NR3C2: variants seen among roughly 807,000 people sequenced by gnomAD.
NR3C2 encodes the protein mineralocorticoid receptor.
Under a neutral mutation model 86.4 loss-of-function variants are expected in NR3C2, and 15 were observed. The observed-to-expected ratio is 0.17, with a 90% CI of 0.12 to 0.27. The LOEUF (loss-of-function observed/expected upper bound fraction) is 0.27, where lower values mean the gene tolerates loss of function less well. NR3C2 is among the 10% of genes least tolerant of loss of function. NR3C2 has a pLI of 1.00. For missense variants in NR3C2, 960 were observed against 1,195.6 expected, an observed-to-expected ratio of 0.80 and a Z score of 2.91; for synonymous variants, 458 against 450.5, an observed-to-expected ratio of 1.02 and a Z score of -0.21.
intron 2 of NR3C2, among the ~76,000 whole-genome samples, chr4:148,357,057 A>T (rs368600466): frequency 6.6e-6 from 1 of 152,156 alleles, no homozygotes; most frequent in African/African-American, 2.4e-5. Context: ...TAGGTTGAAC[A>T]TTCTGAATCA....
intron 2 of NR3C2, among the ~76,000 whole-genome samples, chr4:148,321,380 G>T (rs1192678237): frequency 6.6e-6 from 1 of 151,594 alleles, no homozygotes; most frequent in Admixed American, 6.6e-5. Flanking sequence ...GAGTTCTGTA[G>T]ATGTCTATTA....
intron 8 of NR3C2, among the ~76,000 whole-genome samples, chr4:148,092,680 C>A (rs1279947299): frequency 1.3e-5 from 2 of 152,340 alleles, no homozygotes; most frequent in East Asian, 3.9e-4. Flanking sequence ...AAACTCAATA[C>A]ATGAAGCTAA....
chr4:148,413,931 C>G (rs1748858318), intron 2 of NR3C2, among the ~76,000 whole-genome samples: 1 of 152,130 alleles, frequency 6.6e-6, no homozygotes. Context: ...TTCTTCATTA[C>G]ACAGAAATTC....
At position 148,407,377 on chromosome 4, in the gene NR3C2, G is replaced by A. The variant is rs1579261712; in HGVS notation, c.1757+27727C>T. Among the ~76,000 whole-genome samples, 6 of 152,286 alleles carry A rather than the reference G, an allele frequency of 3.9e-5. No individual in the cohort carries two copies. In the South Asian group the frequency reaches 1.2e-3, roughly 32 times the overall value. On this transcript the variant is annotated intron_variant, in intron 2 of 8. Transcript: ENST00000358102. ...TTAAAATCAGAGTCAATGGCCGTAAGTGGTTTATAAGATTGTAAAAATGTA... is the reference window on the plus strand; with the variant it reads ...TTAAAATCAGAGTCAATGGCCGTAAATGGTTTATAAGATTGTAAAAATGTA...
intron 3 of NR3C2, among the ~76,000 whole-genome samples, chr4:148,209,889 C>A (rs1324030873): frequency 6.6e-6 from 1 of 152,184 alleles, no homozygotes; most frequent in Non-Finnish European, 1.5e-5. Context: ...TCCCCCAATC[C>A]ATGATACTGG....
At chr4:148,266,555 G>A (rs1170732583) in intron 2 of NR3C2, among the ~76,000 whole-genome samples, 1 of 152,184 alleles carries the variant, frequency 6.6e-6, no homozygotes, top group Non-Finnish European at 1.5e-5. Context: ...AGAGGGTGCA[G>A]GATGTGAGGT....
rs139539056 is a variant in NR3C2, at chr4:148,242,820, T to C, written c.1897+17158A>G. Among the ~76,000 whole-genome samples the C allele has an allele frequency of 4.1e-4, 62 of 152,292 alleles. No individual in the cohort carries two copies. The East Asian group carries it at 0.01, about 26-fold the overall frequency. ...TGCATATATAAGAAGCTGAGGTATA[T>C]CAGTGAGTGAACTGCTATCACATTA... On this transcript the variant is annotated intron_variant, in intron 3 of 8. Coordinates refer to ENST00000358102, the MANE Select transcript of NR3C2 (RefSeq NM_000901.5).
chr4:148,202,271 G>A (rs1342072454), intron 3 of NR3C2, among the ~76,000 whole-genome samples: 2 of 152,168 alleles, frequency 1.3e-5, no homozygotes, highest in East Asian at 3.9e-4. Flanking sequence ...GCCCACCCTT[G>A]ATCTTTTTTC....
intron 2 of NR3C2, among the ~76,000 whole-genome samples, chr4:148,364,211 G>A (rs1579208911): frequency 6.6e-6 from 1 of 152,086 alleles, no homozygotes; most frequent in Admixed American, 6.5e-5. Context: ...TATATTTCTT[G>A]ATTAATACCT....
At chr4:148,355,036 A>G (rs1185426829) in intron 2 of NR3C2, among the ~76,000 whole-genome samples, 1 of 152,234 alleles carries the variant, frequency 6.6e-6, no homozygotes, top group Non-Finnish European at 1.5e-5. Flanking sequence ...AGGGAGGACA[A>G]TAACAGTTTT....
At chr4:148,103,333 G>A (rs1317277305) in intron 8 of NR3C2, among the ~76,000 whole-genome samples, 1 of 152,124 alleles carries the variant, frequency 6.6e-6, no homozygotes, top group African/African-American at 2.4e-5. Context: ...GAGGACATAG[G>A]CCCCAGGTCT....
chr4:148,091,769 T>G (rs1731072986), intron 8 of NR3C2, among the ~76,000 whole-genome samples: 1 of 152,126 alleles, frequency 6.6e-6, no homozygotes, highest in Non-Finnish European at 1.5e-5. Context: ...ACAAAGCACT[T>G]GTACATCATC....
chr4:148,137,711 A>G (rs1310237510), intron 6 of NR3C2, among the ~76,000 whole-genome samples: 1 of 152,170 alleles, frequency 6.6e-6, no homozygotes, highest in East Asian at 1.9e-4. Context: ...GGTGTCCCCA[A>G]AACCCTTTCA....
intron 2 of NR3C2, among the ~76,000 whole-genome samples, chr4:148,323,527 C>T (rs568281079): frequency 6.1e-5 from 9 of 146,748 alleles, no homozygotes; most frequent in African/African-American, 7.6e-5. Context: ...TAGCAATCAG[C>T]GAGACTCCGT....
At position 148,195,293 on chromosome 4, in the gene NR3C2, T is replaced by C. The variant is rs564241857; in HGVS notation, c.1898-431A>G. On this transcript the variant is annotated intron_variant, in intron 3 of 8. Transcript: ENST00000358102. Reference sequence around the variant, plus strand: ...TCATAGTAATTTCACTTTCAAATTATACAATTGGAAATGTTAAACTATTTC... The same window carrying C: ...TCATAGTAATTTCACTTTCAAATTACACAATTGGAAATGTTAAACTATTTC... Among the ~76,000 whole-genome samples, 19 of 152,324 alleles carry C rather than the reference T, an allele frequency of 1.2e-4. No individual in the cohort carries two copies. The South Asian group carries it at 3.7e-3, about 30-fold the overall frequency.
At chr4:148,347,380 T>G (rs1046331319) in intron 2 of NR3C2, among the ~76,000 whole-genome samples, 6 of 151,942 alleles carry the variant, frequency 3.9e-5, no homozygotes, top group Non-Finnish European at 8.8e-5. Context: ...TGAAAACAAA[T>G]TAAAGAATAG....
chr4:148,342,535 C>G (rs72656827), intron 2 of NR3C2, among the ~76,000 whole-genome samples: 144 of 152,212 alleles, frequency 9.5e-4, no homozygotes, highest in African/African-American at 3.3e-3. Flanking sequence ...ACCTGTATTT[C>G]ATATCTGATG....
At chr4:148,085,789 T>TA in intron 8 of NR3C2, among the ~76,000 whole-genome samples, 1 of 152,202 alleles carries the variant, frequency 6.6e-6, no homozygotes, top group East Asian at 1.9e-4. Context: ...TAAAAAATGA[T>TA]AAAGTAGATG....
intron 2 of NR3C2, among the ~76,000 whole-genome samples, chr4:148,309,073 T>G (rs2149933704): frequency 6.6e-6 from 1 of 152,274 alleles, no homozygotes; most frequent in Non-Finnish European, 1.5e-5. Context: ...AGATGATGGA[T>G]ATAATTACCT....
Sources: gnomAD v4.1 joint callset for allele counts (sites outside exome capture counted in the v4.1 genomes callset) on GRCh38, gnomAD v4.1.1 for gene constraint, MANE v1.5 for transcripts, NCBI Gene and HGNC (gene_info 2026-07-23, HGNC 2026-07-21) for gene names.